TRABD2B: variants seen among roughly 807,000 people sequenced by gnomAD.
TRABD2B encodes the protein metalloprotease TIKI2.
TRABD2B carries 14 observed loss-of-function variants against 40.1 expected under a neutral mutation model. That is an observed-to-expected ratio of 0.35 (90% CI 0.23 to 0.55). The LOEUF is 0.55. Ranked by LOEUF, TRABD2B falls within the 20% of genes least tolerant of loss-of-function variation. TRABD2B has a pLI of 0.90. For synonymous variants in TRABD2B, 263 were observed against 277.0 expected, an observed-to-expected ratio of 0.95 and a Z score of 0.50; for missense variants, 541 against 648.6, an observed-to-expected ratio of 0.83 and a Z score of 1.80.
At chr1:47,992,701 C>CT (rs1646030024) in intron 2 of TRABD2B, among the ~76,000 whole-genome samples, 1 of 152,192 alleles carries the variant, frequency 6.6e-6, no homozygotes, top group African/African-American at 2.4e-5. Flanking sequence ...GAGAAAGCGG[C>CT]TATGTTCAGA....
intron 2 of TRABD2B, among the ~76,000 whole-genome samples, chr1:47,900,361 G>A (rs1008181928): frequency 6.6e-6 from 1 of 152,146 alleles, no homozygotes; most frequent in African/African-American, 2.4e-5. Flanking sequence ...GGCAGGAACC[G>A]AGCAAGTGCC....
chr1:47,949,991 G>C (rs1467188069), intron 2 of TRABD2B, among the ~76,000 whole-genome samples: 1 of 152,140 alleles, frequency 6.6e-6, no homozygotes, highest in East Asian at 1.9e-4. Context: ...TGTAAAGAAA[G>C]GAGAGAGAGG....
At chr1:47,780,757 AT>A (rs1644510710) in intron 4 of TRABD2B, among the ~76,000 whole-genome samples, 1 of 152,200 alleles carries the variant, frequency 6.6e-6, no homozygotes, top group Non-Finnish European at 1.5e-5. Flanking sequence ...AATGAGGCAC[AT>A]TTGGGAAGCT....
Position 47,996,784 on chromosome 1 carries a change from G to A in TRABD2B, c.6C>T (p.His2=), listed in dbSNP as rs1344396311. The change falls in exon 1 of 7, where the codon CAC becomes CAT. Residue 2 remains histidine, a synonymous_variant. Transcript: ENST00000606738. The surrounding 1 kb of genome is among the most constrained non-coding windows in gnomAD (Gnocchi z 4.6). The part of the protein sequence containing the change: M[H]AALAGPLLAA... ...CGAGCAGCGGCCCCGCCAGGGCGGC[G>A]TGCATCCTGCCAGGGCCCGCGGGGC... 2 of 1,205,408 alleles carry A rather than the reference G, an allele frequency of 1.7e-6. No individual in the cohort carries two copies. The highest frequency in any genetic ancestry group is 1.6e-5 in the African/African-American group (1 of 63,356). 74.7% of individuals were successfully genotyped at this position (1,205,408 alleles called of 1,614,324 possible). A position where few individuals can be genotyped will look rare whatever the true frequency, so the allele number is the denominator to read the frequency against.
chr1:47,988,991 G>A (rs969696432), intron 2 of TRABD2B, among the ~76,000 whole-genome samples: 31 of 152,208 alleles, frequency 2.0e-4, no homozygotes, highest in African/African-American at 7.5e-4. Flanking sequence ...GAGTAGATTA[G>A]TTCATGAGGT....
chr1:47,916,295 C>T (rs1465194477), intron 2 of TRABD2B, among the ~76,000 whole-genome samples: 1 of 152,188 alleles, frequency 6.6e-6, no homozygotes, highest in Non-Finnish European at 1.5e-5. Flanking sequence ...ATTCATTCAA[C>T]ACTCCAACAT....
At chr1:47,870,675 C>T (rs1172705552) in intron 2 of TRABD2B, among the ~76,000 whole-genome samples, 1 of 152,186 alleles carries the variant, frequency 6.6e-6, no homozygotes, top group Non-Finnish European at 1.5e-5. Context: ...GTTGTACTTC[C>T]TAACCTCAAA....
rs545852829 is a variant in TRABD2B at position 47,871,809 on chromosome 1, C to A, written c.667-70190G>T. Among the ~76,000 whole-genome samples, 3 of 152,222 alleles carry A rather than the reference C, an allele frequency of 2.0e-5. No homozygotes were observed. In the South Asian group the frequency reaches 6.2e-4, roughly 32 times the overall value. On this transcript the variant is annotated intron_variant, in intron 2 of 6. Transcript: ENST00000606738. The stretch of plus-strand genomic sequence containing the variant: ...GCTCATCCATTTCCTCCTGGCCCCC[C>A]CAGGAAGTGACTAGCTCTCTACACC...
At chr1:47,984,414 G>A (rs1230264502) in intron 2 of TRABD2B, among the ~76,000 whole-genome samples, 1 of 152,248 alleles carries the variant, frequency 6.6e-6, no homozygotes, top group Non-Finnish European at 1.5e-5. Context: ...AGGCCAGAGA[G>A]GCGGCGCGGC....
At chr1:47,877,941 C>T (rs1400464653) in intron 2 of TRABD2B, among the ~76,000 whole-genome samples, 1 of 151,194 alleles carries the variant, frequency 6.6e-6, no homozygotes, top group African/African-American at 2.4e-5. Context: ...TTGCAGTGAG[C>T]CCAAGAACAT....
chr1:47,766,432 C>T (rs1003864261), intron 6 of TRABD2B, among the ~76,000 whole-genome samples: 1 of 152,140 alleles, frequency 6.6e-6, no homozygotes, highest in Non-Finnish European at 1.5e-5. Flanking sequence ...GGAGATAGAT[C>T]TGGGGTACCA....
chr1:47,856,176 C>G (rs1015571763), intron 2 of TRABD2B, among the ~76,000 whole-genome samples: 26 of 152,226 alleles, frequency 1.7e-4, no homozygotes, highest in Admixed American at 5.2e-4. Context: ...CCTTTCTGCC[C>G]ACCATGTAAG....
At chr1:47,789,697 T>C (rs1179045332) in intron 4 of TRABD2B, among the ~76,000 whole-genome samples, 2 of 152,146 alleles carry the variant, frequency 1.3e-5, no homozygotes, top group East Asian at 1.9e-4. Context: ...TGCTCCCTTT[T>C]TGGCTGCCAA....
At chr1:47,837,939 G>A (rs1319398989) in intron 2 of TRABD2B, among the ~76,000 whole-genome samples, 3 of 152,202 alleles carry the variant, frequency 2.0e-5, no homozygotes, top group Non-Finnish European at 2.9e-5. Flanking sequence ...CAAGTCTACA[G>A]AGTGAGAAGG....
At chr1:47,958,469 CAT>C (rs1645458378) in intron 2 of TRABD2B, among the ~76,000 whole-genome samples, 1 of 139,184 alleles carries the variant, frequency 7.2e-6, no homozygotes, top group African/African-American at 2.6e-5. Context: ...AGACCCATCT[CAT>C]GTGCAGAGAC....
At chr1:47,942,611 T>C (rs2148364937) in intron 2 of TRABD2B, among the ~76,000 whole-genome samples, 1 of 152,304 alleles carries the variant, frequency 6.6e-6, no homozygotes, top group African/African-American at 2.4e-5. Context: ...ATCCCGAGGC[T>C]TGGATCAAAA....
chr1:47,969,952 A>G (rs938910089), intron 2 of TRABD2B, among the ~76,000 whole-genome samples: 2 of 152,102 alleles, frequency 1.3e-5, no homozygotes, highest in African/African-American at 4.8e-5. Context: ...CTCACATTGC[A>G]GCCTGACCTC....
intron 2 of TRABD2B, among the ~76,000 whole-genome samples, chr1:47,875,674 C>CAAAAAA (rs10541556): frequency 1.8e-4 from 14 of 75,934 alleles, no homozygotes; most frequent in South Asian, 6.3e-4. Flanking sequence ...AACCCTGTCT[C>CAAAAAA]AAAAAAAAAA....
chr1:47,925,072 A>T (rs1644951955), intron 2 of TRABD2B, among the ~76,000 whole-genome samples: 1 of 152,120 alleles, frequency 6.6e-6, no homozygotes, highest in African/African-American at 2.4e-5. Flanking sequence ...AAACTGATCA[A>T]GCCTTTTTGA....
Sources: allele counts gnomAD v4.1 joint callset (sites outside exome capture counted in the v4.1 genomes callset), GRCh38; gene constraint gnomAD v4.1.1; non-coding constraint Gnocchi (gnomAD v3.1); transcripts MANE v1.5; gene names NCBI Gene and HGNC (gene_info 2026-07-23, HGNC 2026-07-21).